The following C2orf92 variants were observed in gnomAD, a reference collection of about 807,000 sequenced individuals.
C2orf92 encodes chromosome 2 open reading frame 92.
chr2:97,670,546 C>T (rs976336683), intron 1 of C2orf92: 3 of 151,626 alleles, frequency 2.0e-5, no homozygotes, highest in Admixed American at 2.0e-4. Flanking sequence ...TAAAATTCAC[C>T]CTTTATTTTA....
At chr2:97,689,737 C>T (rs959047095) in intron 4 of C2orf92, among the ~76,000 whole-genome samples, 3 of 152,120 alleles carry the variant, frequency 2.0e-5, no homozygotes, top group Non-Finnish European at 2.9e-5. Context: ...CCTCTGCAAT[C>T]GGCAGTGAGG....
intron 5 of C2orf92, 137 bp downstream of exon 5, chr2:97,690,464 T>C (rs1445404589): frequency 8.0e-6 from 3 of 375,662 alleles, no homozygotes; most frequent in Non-Finnish European, 1.4e-5. Flanking sequence ...CACTGCAAAC[T>C]CTGCCTCCCA....
intron 3 of C2orf92, among the ~76,000 whole-genome samples, chr2:97,678,814 A>G (rs1675667552): frequency 6.6e-6 from 1 of 151,238 alleles, no homozygotes; most frequent in African/African-American, 2.4e-5. Flanking sequence ...TACTAAAAAA[A>G]AAAAAAAAAA....
chr2:97,676,318 C>A (rs1442457061), intron 3 of C2orf92, among the ~76,000 whole-genome samples: 1 of 151,396 alleles, frequency 6.6e-6, no homozygotes, highest in African/African-American at 2.4e-5. Context: ...CCTGTAATCC[C>A]AGCTACTCGG....
chr2:97,698,987 C>A, intron 5 of C2orf92, 39 bp from the exon 6 acceptor site: 1 of 398,112 alleles, frequency 2.5e-6, no homozygotes, highest in South Asian at 1.3e-4. Flanking sequence ...AATCACATGC[C>A]ATGGTTGTTT....
upstream of C2orf92, chr2:97,669,277 T>C (rs1458127567): frequency 6.6e-6 from 1 of 152,128 alleles, no homozygotes; most frequent in Non-Finnish European, 1.5e-5. Flanking sequence ...AGCAACACTT[T>C]GTTAGTGAGA....
chr2:97,689,263 C>T (rs1457437983), intron 4 of C2orf92, among the ~76,000 whole-genome samples: 1 of 152,304 alleles, frequency 6.6e-6, no homozygotes, highest in East Asian at 1.9e-4. Flanking sequence ...TGGAGGCATT[C>T]AGAGGACAGA....
upstream of C2orf92, chr2:97,665,692 ACT>A (rs67429887): frequency 3.2e-3 from 269 of 85,310 alleles, no homozygotes; most frequent in Admixed American, 6.3e-3. Context: ...TCAAAGCATG[ACT>A]CTCTCTCTCT....
intron 5 of C2orf92, chr2:97,697,304 T>C (rs2104600411): frequency 6.6e-6 from 1 of 152,346 alleles, no homozygotes; most frequent in South Asian, 2.1e-4. Context: ...CGCCTTCAGA[T>C]TCTTCAAAGA....
chr2:97,673,528 G>A (rs762444893), intron 1 of C2orf92, among the ~76,000 whole-genome samples: 6 of 152,122 alleles, frequency 3.9e-5, no homozygotes, highest in Non-Finnish European at 8.8e-5. Context: ...ATCGAATGTC[G>A]GTGAACAGGA....
At chr2:97,682,713 T>G (rs1292127218) in intron 3 of C2orf92, among the ~76,000 whole-genome samples, 1 of 151,748 alleles carries the variant, frequency 6.6e-6, no homozygotes, top group Non-Finnish European at 1.5e-5. Context: ...AGAAAAAATA[T>G]CATTTCAATT....
chr2:97,684,131 G>A (rs1675874253), intron 3 of C2orf92, among the ~76,000 whole-genome samples: 1 of 151,456 alleles, frequency 6.6e-6, no homozygotes, highest in South Asian at 2.1e-4. Flanking sequence ...TGCCTCCCAG[G>A]TTCACACCAT....
chr2:97,664,938 G>A (rs1273433995), upstream of C2orf92, among the ~76,000 whole-genome samples: 1 of 152,186 alleles, frequency 6.6e-6, no homozygotes, highest in Non-Finnish European at 1.5e-5. Context: ...TTACAGTTTC[G>A]TGGTATTTTG....
intron 6 of C2orf92, among the ~76,000 whole-genome samples, chr2:97,699,785 C>CA (rs1676434357): frequency 6.6e-6 from 1 of 152,224 alleles, no homozygotes; most frequent in Admixed American, 6.5e-5. Flanking sequence ...TACACCCCTC[C>CA]ACACTGCCAC....
At chr2:97,689,529 C>T (rs1318834249) in intron 4 of C2orf92, among the ~76,000 whole-genome samples, 1 of 152,182 alleles carries the variant, frequency 6.6e-6, no homozygotes, top group African/African-American at 2.4e-5. Context: ...AAAAATTTAG[C>T]ACTTTGGGAA....
At chr2:97,695,163 A>T (rs918946894) in intron 5 of C2orf92, among the ~76,000 whole-genome samples, 2 of 152,204 alleles carry the variant, frequency 1.3e-5, no homozygotes, top group African/African-American at 4.8e-5. Context: ...AAATTTGCAT[A>T]CAGTCCAATT....
chr2:97,671,393 C>T (rs1675407377), intron 1 of C2orf92: 1 of 397,860 alleles, frequency 2.5e-6, no homozygotes, highest in East Asian at 3.6e-5. Flanking sequence ...GTGATCCTCC[C>T]ACCTCAGCCT....
At chr2:97,670,076 TA>T in intron 1 of C2orf92, 1 of 368,108 alleles carries the variant, frequency 2.7e-6, no homozygotes, top group Non-Finnish European at 4.8e-6. Flanking sequence ...CATACATGCG[TA>T]TTTTAACTTT....
At chr2:97,676,837 C>G (rs183287019) in intron 3 of C2orf92, among the ~76,000 whole-genome samples, 1 of 152,138 alleles carries the variant, frequency 6.6e-6, no homozygotes, top group East Asian at 1.9e-4. Context: ...GGGGTGAGAC[C>G]TTTGCATCAC....
Sources: allele counts gnomAD v4.1 joint callset (sites outside exome capture counted in the v4.1 genomes callset), GRCh38; gene constraint gnomAD v4.1.1; transcripts MANE v1.5; gene names NCBI Gene and HGNC (gene_info 2026-07-23, HGNC 2026-07-21).